The following PIP4K2C variants were observed in gnomAD, a reference collection of about 807,000 sequenced individuals.
PIP4K2C encodes phosphatidylinositol 5-phosphate 4-kinase type-2 gamma.
PIP4K2C carries 21 observed loss-of-function variants against 45.0 expected under a neutral mutation model. That is an observed-to-expected ratio of 0.47 (90% CI 0.33 to 0.67). The LOEUF is 0.67. Among genes scored for constraint, PIP4K2C ranks in the 30% least tolerant of loss-of-function variants. The pLI is 0.02. For missense variants in PIP4K2C, 456 were observed against 542.8 expected (o/e 0.84, Z 1.59); for synonymous variants, 201 against 204.8 (o/e 0.98, Z 0.16).
chr12:57,594,820 AT>A (rs1271569966), intron 2 of PIP4K2C, among the ~76,000 whole-genome samples: 1 of 152,064 alleles, frequency 6.6e-6, no homozygotes, highest in Non-Finnish European at 1.5e-5. Flanking sequence ...AATACAAAAA[AT>A]TAGCCAGGCA....
chr12:57,597,008 G>C (rs1883223630), intron 4 of PIP4K2C, among the ~76,000 whole-genome samples: 1 of 152,240 alleles, frequency 6.6e-6, no homozygotes, highest in African/African-American at 2.4e-5. Context: ...AGAGCCATGA[G>C]AGAACTTGGT....
chr12:57,597,792 G>A (rs1883255634), intron 4 of PIP4K2C, among the ~76,000 whole-genome samples: 1 of 152,138 alleles, frequency 6.6e-6, no homozygotes, highest in Non-Finnish European at 1.5e-5. Flanking sequence ...CAGGAGGGTG[G>A]TATAATAAGA....
rs752030771 is a variant in PIP4K2C at position 57,599,449 on chromosome 12, T to A, written c.699+11T>A. 36 of 1,613,878 alleles carry A rather than the reference T, an allele frequency of 2.2e-5. No homozygotes were observed. The highest frequency in any genetic ancestry group is 2.5e-6 in the Non-Finnish European group (3 of 1,179,980). ...AGCGATAAGGAAAAGGTGATAGTAA[T>A]TTTATGTGCTAGGGTGAGGGATGAG... is the stretch of plus-strand genomic sequence containing the variant. On this transcript the variant is annotated intron_variant, in intron 6 of 9. Transcript: ENST00000354947.
At chr12:57,592,531 C>G (rs1345184661) in intron 1 of PIP4K2C, among the ~76,000 whole-genome samples, 1 of 151,996 alleles carries the variant, frequency 6.6e-6, no homozygotes, top group East Asian at 1.9e-4. Flanking sequence ...ATTTGTGGCT[C>G]TCTGGGTGGT....
intron 8 of PIP4K2C, 24 bp from the exon 9 acceptor site, chr12:57,601,221 C>G: frequency 1.2e-6 from 2 of 1,603,674 alleles, no homozygotes; most frequent in Non-Finnish European, 1.7e-6. Flanking sequence ...TAAACCTACT[C>G]TGAATTGTTG....
Position 57,600,838 on chromosome 12 carries a change from TACA to T in PIP4K2C, c.842_844del (p.Tyr281_Ser282delinsCys). On this transcript the variant is annotated inframe_deletion, in exon 8 of 10. Transcript: ENST00000354947. ...TCTAGTGCAGCTGAAGATCATGGAC[TACA>T]GCCTTCTGCTAGGCATCCACGACAT... 6.2e-7 allele frequency: 1 copy of T among 1,614,206 alleles called. No individual in the cohort carries two copies. Among genetic ancestry groups the T allele is most frequent in the African/African-American group, 1.3e-5 (1 of 75,070 alleles).
At position 57,591,237 on chromosome 12, in the gene PIP4K2C, C is replaced by T. The variant is rs981990286; in HGVS notation, c.-53C>T. The T allele has an allele frequency of 6.5e-7, 1 of 1,537,182 alleles. No individual in the cohort carries two copies. The highest frequency in any genetic ancestry group is 8.8e-7 in the Non-Finnish European group (1 of 1,135,362). ...GGTGAGCGCCGCTTCCGGGGTCGGGCGCCTGGATAGCTGCCGGCTCCGGCT... is the reference window on the plus strand; with the variant it reads ...GGTGAGCGCCGCTTCCGGGGTCGGGTGCCTGGATAGCTGCCGGCTCCGGCT... On this transcript the variant is annotated 5_prime_UTR_variant, in exon 1 of 10. Transcript: ENST00000354947.
In PIP4K2C at chr12:57,602,837, T is replaced by C. The variant is rs1423382726; in HGVS notation, c.*1231T>C. 6.6e-6 allele frequency: 1 copy of C among 152,660 alleles called. No homozygotes were observed. The highest frequency in any genetic ancestry group is 1.5e-5 in the Non-Finnish European group (1 of 68,052). 9.5% of individuals were successfully genotyped at this position (152,660 alleles called of 1,614,324 possible). A position where few individuals can be genotyped will look rare whatever the true frequency, so the allele number is the denominator to read the frequency against. ...AGCCCCTCCAAAGATAGTTGATGTG[T>C]GATAATCTCATAATGTTGAGAACCC... On this transcript the variant is annotated 3_prime_UTR_variant, in exon 10 of 10. Coordinates refer to ENST00000354947, the MANE Select transcript of PIP4K2C (RefSeq NM_024779.5).
chr12:57,591,593 GC>G, intron 1 of PIP4K2C, 130 bp downstream of exon 1: 1 of 1,044,604 alleles, frequency 9.6e-7, no homozygotes, highest in Non-Finnish European at 1.3e-6. Context: ...CTTGGTCCCT[GC>G]CCACCAACCC....
At chr12:57,593,675 G>GTTTTTTTTTTTTTTTTTTTTTTTTTTTT (rs56900742) in intron 1 of PIP4K2C, among the ~76,000 whole-genome samples, 1 of 64,042 alleles carries the variant, frequency 1.6e-5, no homozygotes, top group Non-Finnish European at 2.7e-5. Flanking sequence ...AGCTTGCAGA[G>GTTTTTTTTTTTTTTTTTTTTTTTTTTTT]TTTTTTTTTT....
chr12:57,595,169 C>G lies in PIP4K2C; in HGVS notation c.316C>G (p.Gln106Glu), dbSNP rs753779629. 54 of 1,612,518 alleles carry G rather than the reference C, an allele frequency of 3.3e-5. No homozygotes were observed. The highest frequency in any genetic ancestry group is 4.6e-5 in the Non-Finnish European group (54 of 1,178,728). ...TTTCAAGTTCAAGGAGTATTGTCCC[C>G]AGGTCTTCAGGAACCTCCGTGATCG... ...SHFKFKEYCPQVFRNLRDRFG... is the reference protein window; with the variant it reads ...SHFKFKEYCPEVFRNLRDRFG... The change falls in exon 3 of 10, where the codon CAG becomes GAG. Residue 106 changes from glutamine to glutamate, a missense_variant. Transcript: ENST00000354947.
intron 1 of PIP4K2C, among the ~76,000 whole-genome samples, chr12:57,593,256 C>T (rs1883038225): frequency 6.6e-6 from 1 of 152,112 alleles, no homozygotes; most frequent in Admixed American, 6.6e-5. Flanking sequence ...AAGGAGAAAG[C>T]ACGGCTCAGG....
intron 6 of PIP4K2C, 54 bp from the exon 7 acceptor site, chr12:57,600,270 C>A: frequency 1.7e-6 from 2 of 1,176,110 alleles, no homozygotes; most frequent in Non-Finnish European, 2.5e-6. Context: ...AGGTGGGGTT[C>A]TGAGACCTTG....
Position 57,601,965 on chromosome 12 carries a change from G to A in PIP4K2C, c.*359G>A. 1 of 267,868 alleles carries A rather than the reference G, an allele frequency of 3.7e-6. No individual in the cohort carries two copies. Among genetic ancestry groups the A allele is most frequent in the Non-Finnish European group, 7.3e-6 (1 of 137,770 alleles). The allele number at this position is 267,868 out of a possible 1,614,324, so 16.6% of individuals were successfully genotyped here. ...GGGTTGTTTGCCTTCTTCAGGACCT[G>A]ACTGGACAGATGGACCTGGCTCAAG... On this transcript the variant is annotated 3_prime_UTR_variant, in exon 10 of 10. Coordinates refer to ENST00000354947, the MANE Select transcript of PIP4K2C (RefSeq NM_024779.5).
intron 6 of PIP4K2C, 49 bp downstream of exon 6, chr12:57,599,487 G>C: frequency 2.9e-4 from 444 of 1,525,814 alleles, no homozygotes; most frequent in Non-Finnish European, 3.7e-4. Flanking sequence ...ATGAGGGAGG[G>C]CAGATGAGGG....
chr12:57,593,675 GTTTTTTTTTTTTTTTTTT>G (rs56900742), intron 1 of PIP4K2C, among the ~76,000 whole-genome samples: 13 of 64,050 alleles, frequency 2.0e-4, no homozygotes, highest in Non-Finnish European at 3.2e-4. Context: ...AGCTTGCAGA[GTTTTTTTTTTTTTTTTTT>G]TTTTTTTTTT....
In PIP4K2C at chr12:57,595,810, C is replaced by G. The variant is rs900175321; in HGVS notation, c.370-78C>G. On this transcript the variant is annotated intron_variant, in intron 3 of 9. Transcript: ENST00000354947. The stretch of plus-strand genomic sequence containing the variant: ...CCTACCCCAGGGATTCATCCACTTT[C>G]AGCTGACCATTTTCCTATGACTTGT... The G allele has an allele frequency of 2.6e-6, 4 of 1,514,532 alleles. No individual in the cohort carries two copies. In the Admixed American group the frequency reaches 6.8e-5, roughly 26 times the overall value. The allele number at this position is 1,514,532 out of a possible 1,614,324, so 93.8% of individuals were successfully genotyped here.
chr12:57,595,824 C>T (rs1338218031), intron 3 of PIP4K2C, 64 bp from the exon 4 acceptor site: 2 of 1,570,148 alleles, frequency 1.3e-6, no homozygotes, highest in African/African-American at 1.4e-5. Context: ...TGACCATTTT[C>T]CTATGACTTG....
intron 4 of PIP4K2C, among the ~76,000 whole-genome samples, chr12:57,598,740 C>G (rs1017391497): frequency 6.6e-6 from 1 of 152,066 alleles, no homozygotes; most frequent in South Asian, 2.1e-4. Flanking sequence ...AATCCTGGTT[C>G]TGTGCCACTT....
Sources: gnomAD v4.1 joint callset for allele counts (sites outside exome capture counted in the v4.1 genomes callset) on GRCh38, gnomAD v4.1.1 for gene constraint, MANE v1.5 for transcripts, NCBI Gene and HGNC (gene_info 2026-07-23, HGNC 2026-07-21) for gene names.